Variants in YIPF1 observed in about 807,000 individuals in gnomAD.
The protein encoded by YIPF1 is Yip1 domain family member 1.
YIPF1 carries 22 observed loss-of-function variants against 37.0 expected under a neutral mutation model. That is an observed-to-expected ratio of 0.59 (90% CI 0.42 to 0.85). The LOEUF (loss-of-function observed/expected upper bound fraction) is 0.85. Among genes scored for constraint, YIPF1 ranks in the 40% least tolerant of loss-of-function variants. The pLI is 0.00. For synonymous variants in YIPF1, 128 were observed against 131.9 expected (o/e 0.97, Z 0.21); for missense variants, 355 against 373.1 (o/e 0.95, Z 0.40).
At chr1:53,874,942 G>A (rs540745261) in intron 6 of YIPF1, among the ~76,000 whole-genome samples, 4 of 152,150 alleles carry the variant, frequency 2.6e-5, no homozygotes, top group East Asian at 1.9e-4. Flanking sequence ...TTCTCCTGCT[G>A]ATGGATATCT....
chr1:53,885,781 C>T (rs1346407015), intron 3 of YIPF1, among the ~76,000 whole-genome samples: 4 of 141,176 alleles, frequency 2.8e-5, no homozygotes, highest in Non-Finnish European at 6.0e-5. Context: ...GATCATGTCA[C>T]TGCACTCCAG....
At chr1:53,854,804 T>C (rs1649680749) in intron 10 of YIPF1, among the ~76,000 whole-genome samples, 1 of 152,120 alleles carries the variant, frequency 6.6e-6, no homozygotes, top group South Asian at 2.1e-4. Context: ...TTTGATGCTA[T>C]ATGATTGGCC....
chr1:53,882,424 G>A (rs2100741798), intron 4 of YIPF1, among the ~76,000 whole-genome samples: 1 of 151,978 alleles, frequency 6.6e-6, no homozygotes, highest in South Asian at 2.1e-4. Flanking sequence ...ATTCCTGGAG[G>A]TACTCAAGCA....
intron 7 of YIPF1, among the ~76,000 whole-genome samples, 163 bp from the exon 8 acceptor site, chr1:53,867,087 C>A (rs1650050341): frequency 6.6e-6 from 1 of 152,170 alleles, no homozygotes; most frequent in African/African-American, 2.4e-5. Flanking sequence ...TGGTACAGTA[C>A]CTAACACACA....
intron 7 of YIPF1, among the ~76,000 whole-genome samples, chr1:53,867,850 T>C (rs755815429): frequency 6.6e-5 from 10 of 152,220 alleles, no homozygotes; most frequent in Non-Finnish European, 5.9e-5. Context: ...AAAAATGCTA[T>C]TGAGTGGCTC....
At chr1:53,870,839 T>C (rs1159332129) in intron 7 of YIPF1, among the ~76,000 whole-genome samples, 2 of 151,700 alleles carry the variant, frequency 1.3e-5, no homozygotes, top group Admixed American at 1.3e-4. Flanking sequence ...CAGGGAGACC[T>C]ATCTCTATAA....
chr1:53,877,505 C>T (rs1006263162), intron 6 of YIPF1, among the ~76,000 whole-genome samples: 1 of 152,180 alleles, frequency 6.6e-6, no homozygotes, highest in Non-Finnish European at 1.5e-5. Flanking sequence ...CTCTTCTCCC[C>T]TCAAACACAG....
At chr1:53,879,240 G>A (rs147468097) in intron 4 of YIPF1, among the ~76,000 whole-genome samples, 353 of 151,886 alleles carry the variant, frequency 2.3e-3, no homozygotes, top group African/African-American at 8.2e-3. Flanking sequence ...GACTACACGC[G>A]TACACCACTA....
At chr1:53,864,513 A>G (rs958471553) in intron 9 of YIPF1, among the ~76,000 whole-genome samples, 2 of 152,240 alleles carry the variant, frequency 1.3e-5, no homozygotes, top group African/African-American at 4.8e-5. Flanking sequence ...ATCTAATGAA[A>G]TTCTAATCAG....
intron 9 of YIPF1, among the ~76,000 whole-genome samples, chr1:53,863,437 A>G (rs923441836): frequency 3.9e-5 from 6 of 152,184 alleles, no homozygotes; most frequent in African/African-American, 1.4e-4. Flanking sequence ...TCTGAGGAAC[A>G]CTTCACAGTA....
At chr1:53,874,221 T>A (rs1195061588) in intron 6 of YIPF1, among the ~76,000 whole-genome samples, 1 of 152,104 alleles carries the variant, frequency 6.6e-6, no homozygotes, top group Non-Finnish European at 1.5e-5. Flanking sequence ...CTACCCCCAG[T>A]GGAAGGCTGG....
At chr1:53,860,180 G>C (rs754735152) in intron 9 of YIPF1, 27 bp from the exon 10 acceptor site, 1 of 1,610,782 alleles carries the variant, frequency 6.2e-7, no homozygotes, top group South Asian at 1.1e-5. Flanking sequence ...ACCCAGGAGG[G>C]AGTTAAAAAG....
In YIPF1 at chr1:53,869,872, C is replaced by CT. The variant is rs11304446; in HGVS notation, c.481+1499dup. Among the ~76,000 whole-genome samples the CT allele has an allele frequency of 5.3e-3, 662 of 125,864 alleles. 6 individuals are homozygous for CT. Among genetic ancestry groups the CT allele is most frequent in the South Asian group, 8.0e-3 (31 of 3,870 alleles). The allele number at this position is 125,864 out of a possible 152,430, so 82.6% of individuals were successfully genotyped here. A position where few individuals can be genotyped will look rare whatever the true frequency, so the allele number is the denominator to read the frequency against. ...TCATTTGCAGACTTCTTTCTCCCCG[C>CT]TTTTTTTTTTTTTTTTTTGAGACAG... On this transcript the variant is annotated intron_variant, in intron 7 of 10. Transcript: ENST00000072644.
intron 3 of YIPF1, chr1:53,886,527 T>A (rs1324508513): frequency 4.0e-5 from 6 of 151,602 alleles, no homozygotes; most frequent in Non-Finnish European, 7.3e-5. Flanking sequence ...ATACTACCGT[T>A]CCTCCCCGGA....
chr1:53,865,128 A>T (rs1375481938), intron 9 of YIPF1, among the ~76,000 whole-genome samples: 1 of 152,188 alleles, frequency 6.6e-6, no homozygotes, highest in East Asian at 1.9e-4. Flanking sequence ...CCCATATCTG[A>T]CTTCATTTTC....
intron 4 of YIPF1, among the ~76,000 whole-genome samples, chr1:53,879,661 AC>A (rs1302649247): frequency 6.6e-6 from 1 of 152,240 alleles, no homozygotes; most frequent in Non-Finnish European, 1.5e-5. Context: ...AGCAAAAAGT[AC>A]GGTGAACACT....
At chr1:53,867,057 T>C in intron 7 of YIPF1, 133 bp from the exon 8 acceptor site, 1 of 1,074,422 alleles carries the variant, frequency 9.3e-7, no homozygotes, top group Middle Eastern at 2.2e-4. Context: ...CATGTCTTAC[T>C]GGTCTGTAAT....
At chr1:53,885,724 G>A (rs919290428) in intron 3 of YIPF1, among the ~76,000 whole-genome samples, 2 of 150,142 alleles carry the variant, frequency 1.3e-5, no homozygotes, top group Admixed American at 1.3e-4. Context: ...AGGAGGGTGA[G>A]GCACAAGAAT....
rs774128753 is a variant in YIPF1, at chr1:53,878,317, T to C, written c.362A>G (p.Tyr121Cys). ...AAACAAATCAGTACTAAACATACCA[T>C]AGAGATCTGGATTGCTGCGGATATA... ...RLYIRSNPDL[Y>C]GPFWICATLV... Residue 121 changes from tyrosine (Y) to cysteine (C), a missense_variant and splice_region_variant, in exon 6 of 11, where the codon TAT (tyrosine) becomes TGT (cysteine). Coordinates refer to ENST00000072644, the MANE Select transcript of YIPF1 (RefSeq NM_018982.5). The C allele has an allele frequency of 5.6e-5, 91 of 1,613,724 alleles. No individual in the cohort carries two copies. Among genetic ancestry groups the C allele is most frequent in the Middle Eastern group, 1.6e-4 (1 of 6,082 alleles).
Sources: allele counts gnomAD v4.1 joint callset (sites outside exome capture counted in the v4.1 genomes callset), GRCh38; gene constraint gnomAD v4.1.1; transcripts MANE v1.5; gene names NCBI Gene and HGNC (gene_info 2026-07-23, HGNC 2026-07-21).